NOP58: variants seen among roughly 807,000 people sequenced by gnomAD.
NOP58 encodes NOP58 ribonucleoprotein.
A neutral mutation model predicts 71.2 loss-of-function variants in NOP58; 44 were observed. That is an observed-to-expected ratio of 0.62 (90% CI 0.49 to 0.79). NOP58 has a LOEUF of 0.79. NOP58 is among the 30% of genes least tolerant of loss of function. The pLI, the probability that NOP58 is intolerant of heterozygous loss-of-function variation, is 0.00. For synonymous variants in NOP58, 228 were observed against 200.3 expected, an observed-to-expected ratio of 1.14 and a Z score of -1.17; for missense variants, 538 against 620.2, an observed-to-expected ratio of 0.87 and a Z score of 1.41.
chr2:202,274,215 T>A (rs1006843970), intron 1 of NOP58, among the ~76,000 whole-genome samples: 20 of 151,474 alleles, frequency 1.3e-4, no homozygotes, highest in African/African-American at 4.1e-4. Flanking sequence ...TAGACAAAAG[T>A]TTTTTTTGTT....
In NOP58 at chr2:202,298,032, A is replaced by T. The variant is rs186811690; in HGVS notation, c.1268+126A>T. On this transcript the variant is annotated intron_variant, in intron 12 of 14. Coordinates refer to ENST00000264279, the MANE Select transcript of NOP58 (RefSeq NM_015934.5). ...TTTTCAAATTTATTTATTTGACCAA[A>T]ATTGTGTATGTTTATTGTGTGTATG... The T allele has an allele frequency of 2.0e-3, 1,171 of 587,844 alleles. 2 individuals carry two copies. Among genetic ancestry groups the T allele is most frequent in the Non-Finnish European group, 1.7e-3 (582 of 340,394 alleles). 36.4% of individuals were successfully genotyped at this position (587,844 alleles called of 1,614,324 possible).
At position 202,278,373 on chromosome 2, in the gene NOP58, G is replaced by C. The variant is rs562894807; in HGVS notation, c.175+371G>C. The C allele has an allele frequency of 7.6e-4, 339 of 448,336 alleles. 2 individuals are homozygous for C. The highest frequency in any genetic ancestry group is 1.0e-3 in the Admixed American group (39 of 38,558). 27.8% of individuals were successfully genotyped at this position (448,336 alleles called of 1,614,324 possible). A position where few individuals can be genotyped will look rare whatever the true frequency, so the allele number is the denominator to read the frequency against. On this transcript the variant is annotated intron_variant, in intron 3 of 14. Transcript: ENST00000264279. ...CAGCTCTCTCCTCATTTTAATCCAA[G>C]GGTAGAGTTGTAATCCTGAGAACAG...
At chr2:202,297,086 G>A (rs191790555) in intron 10 of NOP58, among the ~76,000 whole-genome samples, 1 of 152,158 alleles carries the variant, frequency 6.6e-6, no homozygotes, top group Non-Finnish European at 1.5e-5. Flanking sequence ...CTTCTTTTCA[G>A]TGACCTCATA....
chr2:202,300,856 A>C (rs2105858716), intron 13 of NOP58, among the ~76,000 whole-genome samples: 1 of 152,296 alleles, frequency 6.6e-6, no homozygotes, highest in Non-Finnish European at 1.5e-5. Context: ...GTTGATAAGC[A>C]GGCGCCCCAT....
intron 3 of NOP58, among the ~76,000 whole-genome samples, chr2:202,279,802 C>T (rs902004970): frequency 4.6e-5 from 7 of 152,100 alleles, no homozygotes; most frequent in Non-Finnish European, 8.8e-5. Context: ...TGGAAAATAA[C>T]ATAAAATTAA....
intron 8 of NOP58, 29 bp downstream of exon 8, chr2:202,291,299 G>T: frequency 1.3e-6 from 2 of 1,571,044 alleles, no homozygotes; most frequent in Non-Finnish European, 1.7e-6. Context: ...GAATCTAGTT[G>T]TGGTGTTACC....
chr2:202,270,082 A>G (rs764620537), intron 1 of NOP58, among the ~76,000 whole-genome samples: 3 of 152,184 alleles, frequency 2.0e-5, no homozygotes, highest in African/African-American at 4.8e-5. Flanking sequence ...TTCTAACTTT[A>G]TTGGGTGTAC....
At position 202,284,427 on chromosome 2, in the gene NOP58, T is replaced by TC; in HGVS notation, c.383dup (p.Gly129TrpfsTer6). ...ATTCGTTCACAAATGGATGGATTAA[T>TC]CCCTGGGGTAGAACCACGTGAAATG... On this transcript the variant is annotated frameshift_variant, in exon 5 of 15. Transcript: ENST00000264279. LOFTEE classifies it high-confidence loss of function. 6.2e-7 allele frequency: 1 copy of TC among 1,614,078 alleles called. No homozygotes were observed. Among genetic ancestry groups the TC allele is most frequent in the Non-Finnish European group, 8.5e-7 (1 of 1,179,946 alleles).
At position 202,294,300 on chromosome 2, in the gene NOP58, A is replaced by G. The variant is rs28449541; in HGVS notation, c.908-1374A>G. On this transcript the variant is annotated intron_variant, in intron 9 of 14. Coordinates refer to ENST00000264279, the MANE Select transcript of NOP58 (RefSeq NM_015934.5). ...TGACATTGCACACAGCAGTGGTGAC[A>G]TTGCTTGCCTGGGTGACAAGAGTGA... Among the ~76,000 whole-genome samples, 1,076 of 144,344 alleles carry G rather than the reference A, an allele frequency of 7.5e-3. 9 individuals are homozygous for G. The highest frequency in any genetic ancestry group is 0.025 in the African/African-American group (997 of 39,580). The allele number at this position is 144,344 out of a possible 152,430, so 94.7% of individuals were successfully genotyped here. A position where few individuals can be genotyped will look rare whatever the true frequency, so the allele number is the denominator to read the frequency against.
intron 1 of NOP58, among the ~76,000 whole-genome samples, chr2:202,273,814 G>A (rs573455314): frequency 2.0e-5 from 3 of 152,136 alleles, no homozygotes; most frequent in Admixed American, 6.5e-5. Context: ...GTTGTGGTGC[G>A]TGCCTGTAAT....
rs1249146124 is a variant in NOP58 at position 202,297,360 on chromosome 2, C to A, written c.1072-19C>A. 1 of 1,605,830 alleles carries A rather than the reference C, an allele frequency of 6.2e-7. No homozygotes were observed. The highest frequency in any genetic ancestry group is 8.5e-7 in the Non-Finnish European group (1 of 1,175,396). ...TTACATCTGAACATGGAATATAGTT[C>A]TTCATGTTTTTCTATTAGATTTCTC... On this transcript the variant is annotated intron_variant, in intron 10 of 14. Coordinates refer to ENST00000264279, the MANE Select transcript of NOP58 (RefSeq NM_015934.5).
chr2:202,271,573 A>AT (rs1348526310), intron 1 of NOP58, among the ~76,000 whole-genome samples: 8 of 151,904 alleles, frequency 5.3e-5, no homozygotes, highest in Non-Finnish European at 8.8e-5. Context: ...CGTCTCAAAA[A>AT]TAAAAAAAAA....
chr2:202,268,163 T>C (rs1688448267), intron 1 of NOP58, among the ~76,000 whole-genome samples: 2 of 152,236 alleles, frequency 1.3e-5, no homozygotes. Flanking sequence ...TGGTGAATTT[T>C]ATCTCCTAAA....
At chr2:202,302,061 CTTTTCT>C (rs1156361250) in intron 13 of NOP58, among the ~76,000 whole-genome samples, 1 of 135,426 alleles carries the variant, frequency 7.4e-6, no homozygotes, top group Non-Finnish European at 1.6e-5. Context: ...ATTTCTCTCT[CTTTTCT>C]TTTTCTTTTT....
intron 1 of NOP58, among the ~76,000 whole-genome samples, chr2:202,274,634 C>T (rs1688561097): frequency 6.6e-6 from 1 of 151,982 alleles, no homozygotes; most frequent in African/African-American, 2.4e-5. Context: ...CAGTGGTGCA[C>T]ACCTGTAATC....
chr2:202,284,573 A>G (rs1450458856), intron 5 of NOP58, 92 bp downstream of exon 5: 52 of 1,333,628 alleles, frequency 3.9e-5, no homozygotes, highest in Non-Finnish European at 4.2e-6. Context: ...TGCTCATTTG[A>G]ACCACATCAG....
At chr2:202,284,605 G>A in intron 5 of NOP58, 124 bp downstream of exon 5, 2 of 899,188 alleles carry the variant, frequency 2.2e-6, no homozygotes, top group Non-Finnish European at 1.7e-6. Context: ...GAAGATGATA[G>A]TAATATCCTC....
chr2:202,269,779 G>C (rs1688486442), intron 1 of NOP58, among the ~76,000 whole-genome samples: 1 of 152,122 alleles, frequency 6.6e-6, no homozygotes, highest in Admixed American at 6.6e-5. Flanking sequence ...TTCCACCTGT[G>C]TCCTTGTGTC....
chr2:202,270,091 A>G (rs1688492290), intron 1 of NOP58, among the ~76,000 whole-genome samples: 2 of 152,342 alleles, frequency 1.3e-5, no homozygotes, highest in African/African-American at 2.4e-5. Context: ...TATTGGGTGT[A>G]CTTTACATAC....
Sources: gnomAD v4.1 joint callset for allele counts (sites outside exome capture counted in the v4.1 genomes callset) on GRCh38, gnomAD v4.1.1 for gene constraint, MANE v1.5 for transcripts, NCBI Gene and HGNC (gene_info 2026-07-23, HGNC 2026-07-21) for gene names.